The following DIAPH2 variants were observed in gnomAD, a reference collection of about 807,000 sequenced individuals.
DIAPH2 encodes the protein diaphanous related formin 2.
A neutral mutation model predicts 92.7 loss-of-function variants in DIAPH2; 35 were observed. The ratio of observed to expected loss-of-function variants is 0.38; its 90% CI spans 0.29 to 0.50. The LOEUF (loss-of-function observed/expected upper bound fraction) is 0.50. Among genes scored for constraint, DIAPH2 ranks in the 20% least tolerant of loss-of-function variants. The pLI, the probability that DIAPH2 is intolerant of heterozygous loss-of-function variation, is 0.94. For missense variants in DIAPH2, 701 were observed against 819.5 expected, an observed-to-expected ratio of 0.86 and a Z score of 1.77; for synonymous variants, 301 against 280.4, an observed-to-expected ratio of 1.07 and a Z score of -0.73.
intron 24 of DIAPH2, among the ~76,000 whole-genome samples, chrX:97,368,894 C>G (rs966737551): frequency 1.4e-3 from 70 of 49,372 alleles, no homozygotes; most frequent in African/African-American, 4.1e-3. Flanking sequence ...CAGAGTCTAC[C>G]CTTTCTTTTT....
chrX:97,377,971 CA>C (rs1169769456), intron 24 of DIAPH2, among the ~76,000 whole-genome samples: 3 of 100,002 alleles, frequency 3.0e-5, no homozygotes, highest in African/African-American at 1.1e-4. Flanking sequence ...CAGTGTCTAG[CA>C]AAAAAAAACC....
chrX:96,838,047 T>C (rs1306101282), intron 4 of DIAPH2, among the ~76,000 whole-genome samples: 3 of 112,068 alleles, frequency 2.7e-5, no homozygotes, highest in Non-Finnish European at 5.6e-5. Flanking sequence ...CTCTTGGGCT[T>C]ACATTTGAAC....
chrX:96,903,958 G>T (rs1285018873), intron 5 of DIAPH2, among the ~76,000 whole-genome samples: 1 of 112,145 alleles, frequency 8.9e-6, no homozygotes, highest in African/African-American at 3.2e-5. Flanking sequence ...TATGTAACTA[G>T]AGCATTTAAA....
chrX:96,972,246 C>T (rs949390205), intron 17 of DIAPH2, among the ~76,000 whole-genome samples: 5 of 111,585 alleles, frequency 4.5e-5, no homozygotes, highest in African/African-American at 9.8e-5. Context: ...GTCCTCACTA[C>T]GTGTACTGTA....
chrX:96,813,990 C>T (rs1057474589), intron 4 of DIAPH2, among the ~76,000 whole-genome samples: 3 of 110,989 alleles, frequency 2.7e-5, no homozygotes, highest in Admixed American at 9.6e-5. Context: ...GTGAATCTGA[C>T]AATTATGTGT....
chrX:97,356,195 T>C (rs2069265078), intron 24 of DIAPH2, among the ~76,000 whole-genome samples: 1 of 111,821 alleles, frequency 8.9e-6, no homozygotes, highest in Non-Finnish European at 1.9e-5. Context: ...GACTAAAAAC[T>C]GTTTCAACTC....
intron 23 of DIAPH2, among the ~76,000 whole-genome samples, chrX:97,329,921 CACACACACACACACA>C (rs2068983418): frequency 9.4e-6 from 1 of 105,945 alleles, no homozygotes. Flanking sequence ...CACACACACA[CACACACACACACACA>C]CCCCACATGC....
intron 26 of DIAPH2, among the ~76,000 whole-genome samples, chrX:97,461,470 A>C (rs1382652636): frequency 8.9e-6 from 1 of 111,775 alleles, no homozygotes; most frequent in African/African-American, 3.2e-5. Flanking sequence ...GGAGTAGCTA[A>C]CTAGGTTGCT....
At chrX:97,476,984 T>TAC (rs1190615516) in intron 26 of DIAPH2, among the ~76,000 whole-genome samples, 2,331 of 57,066 alleles carry the variant, frequency 0.041, 116 homozygotes, top group Middle Eastern at 0.065. Context: ...TATATATATA[T>TAC]ACACACACAC....
intron 4 of DIAPH2, chrX:96,763,234 G>A (rs2064280002): frequency 7.0e-6 from 3 of 430,036 alleles, no homozygotes; most frequent in African/African-American, 2.6e-5. Flanking sequence ...TTTTACCAAA[G>A]CAATGAGATG....
intron 26 of DIAPH2, among the ~76,000 whole-genome samples, chrX:97,521,202 CATG>C (rs1343916672): frequency 8.9e-6 from 1 of 111,773 alleles, no homozygotes; most frequent in South Asian, 3.8e-4. Flanking sequence ...CTGCTGGCAC[CATG>C]ATATTATTAG....
intron 3 of DIAPH2, among the ~76,000 whole-genome samples, chrX:96,748,420 T>A (rs1040255807): frequency 2.7e-5 from 3 of 111,942 alleles, no homozygotes; most frequent in African/African-American, 9.7e-5. Flanking sequence ...TAGCCCTGTG[T>A]AGGGGCTCAG....
intron 22 of DIAPH2, among the ~76,000 whole-genome samples, chrX:97,145,319 A>AGTAGTAGTG (rs1177866546): frequency 2.8e-5 from 3 of 107,518 alleles, no homozygotes; most frequent in East Asian, 5.8e-4. Context: ...TAGTAGTAGT[A>AGTAGTAGTG]GTAGTGGTAG....
At chrX:97,280,240 C>T (rs1285467313) in intron 23 of DIAPH2, among the ~76,000 whole-genome samples, 18 of 110,134 alleles carry the variant, frequency 1.6e-4, no homozygotes, top group Non-Finnish European at 3.2e-4. Flanking sequence ...TTTGGGAGGC[C>T]GAGGTGGGTG....
chrX:97,183,636 T>C (rs2067557709), intron 22 of DIAPH2, among the ~76,000 whole-genome samples: 1 of 112,183 alleles, frequency 8.9e-6, no homozygotes, highest in Non-Finnish European at 1.9e-5. Flanking sequence ...GTAGCAGATT[T>C]TTAAAGCTGT....
At chrX:97,208,473 G>C (rs1390687057) in intron 22 of DIAPH2, among the ~76,000 whole-genome samples, 1 of 111,920 alleles carries the variant, frequency 8.9e-6, no homozygotes, top group Non-Finnish European at 1.9e-5. Flanking sequence ...ATTTGTTTCA[G>C]TCTGTTTTCA....
At chrX:96,945,447 CAG>C in intron 13 of DIAPH2, 78 bp from the exon 14 acceptor site, 8 of 657,078 alleles carry the variant, frequency 1.2e-5, no homozygotes, top group Non-Finnish European at 1.9e-5. Flanking sequence ...GTCTGCATTG[CAG>C]AGTTATAGGC....
intron 23 of DIAPH2, among the ~76,000 whole-genome samples, chrX:97,293,313 CAA>C (rs1392252192): frequency 3.2e-5 from 3 of 93,611 alleles, no homozygotes; most frequent in Non-Finnish European, 6.1e-5. Flanking sequence ...TGCAGTGGCA[CAA>C]TATCTTGGCT....
intron 24 of DIAPH2, among the ~76,000 whole-genome samples, chrX:97,359,104 C>T (rs2147703140): frequency 9.0e-6 from 1 of 111,308 alleles, no homozygotes; most frequent in East Asian, 2.8e-4. Flanking sequence ...ACAATCATGA[C>T]TACTGTAAGC....
Sources: allele counts gnomAD v4.1 joint callset (sites outside exome capture counted in the v4.1 genomes callset), GRCh38; gene constraint gnomAD v4.1.1; transcripts MANE v1.5; gene names NCBI Gene and HGNC (gene_info 2026-07-23, HGNC 2026-07-21).